Variants in METTL15 observed in about 807,000 individuals in gnomAD.
The protein encoded by METTL15 is methyltransferase 15, mitochondrial 12S rRNA N4-cytidine.
Under a neutral mutation model 38.3 loss-of-function variants are expected in METTL15, and 34 were observed. The observed-to-expected ratio is 0.89, with a 90% CI of 0.68 to 1.18. The LOEUF (loss-of-function observed/expected upper bound fraction) is 1.18, where lower values mean the gene tolerates loss of function less well. Ranked by LOEUF, METTL15 falls within the 50% of genes most tolerant of loss-of-function variation. The pLI is 0.00. For missense variants in METTL15, 438 were observed against 498.4 expected (o/e 0.88, Z 1.15); for synonymous variants, 162 against 170.9 (o/e 0.95, Z 0.41).
intron 3 of METTL15, among the ~76,000 whole-genome samples, chr11:28,339,460 T>A: frequency 6.9e-6 from 1 of 143,936 alleles, no homozygotes; most frequent in Non-Finnish European, 1.5e-5. Flanking sequence ...TAGACACAAC[T>A]AAAAATCATC....
chr11:28,293,899 T>C (rs1228321647), intron 5 of METTL15, among the ~76,000 whole-genome samples: 1 of 152,200 alleles, frequency 6.6e-6, no homozygotes. Context: ...TTTTTGCACA[T>C]TGATTTTATA....
chr11:28,477,937 T>C lies in METTL15; in HGVS notation c.*425-48541T>C, dbSNP rs190045697. On this transcript the variant is annotated intron_variant and NMD_transcript_variant, in intron 6 of 7. Transcript: ENST00000532947. The stretch of plus-strand genomic sequence containing the variant: ...CATTTTAGAATGCATCCTCTGATAA[T>C]TGATTCTATATAGATATGGTTCTTA... 2.3e-3 allele frequency among the ~76,000 whole-genome samples: 354 copies of C among 152,328 alleles called. 1 individual carries two copies. Among genetic ancestry groups the C allele is most frequent in the Non-Finnish European group, 4.0e-3 (272 of 68,032 alleles).
intron 5 of METTL15, among the ~76,000 whole-genome samples, chr11:28,404,949 G>A (rs1488611855): frequency 1.3e-5 from 2 of 152,078 alleles, no homozygotes; most frequent in Non-Finnish European, 2.9e-5. Flanking sequence ...CTTAATATTT[G>A]TAAGACCAAT....
At chr11:28,185,838 A>G (rs1421790793) in intron 3 of METTL15, among the ~76,000 whole-genome samples, 3 of 150,400 alleles carry the variant, frequency 2.0e-5, no homozygotes, top group East Asian at 3.9e-4. Flanking sequence ...GAAAATATCT[A>G]TGTTTTCATG....
intron 6 of METTL15, among the ~76,000 whole-genome samples, chr11:28,324,283 A>C (rs1343450327): frequency 1.3e-5 from 2 of 152,190 alleles, no homozygotes; most frequent in Admixed American, 1.3e-4. Flanking sequence ...TAAATCACTG[A>C]AGATATTGAG....
intron 4 of METTL15, among the ~76,000 whole-genome samples, chr11:28,238,893 C>T (rs1272561818): frequency 6.6e-6 from 1 of 152,190 alleles, no homozygotes; most frequent in Non-Finnish European, 1.5e-5. Context: ...CTTAGATAAA[C>T]ACATAAGCCA....
intron 3 of METTL15, among the ~76,000 whole-genome samples, chr11:28,196,731 A>G (rs963578982): frequency 4.6e-5 from 7 of 152,022 alleles, no homozygotes; most frequent in African/African-American, 1.7e-4. Flanking sequence ...TGTTAAAGTA[A>G]TTAATTGATC....
At chr11:28,289,629 T>C (rs1346413920) in intron 4 of METTL15, among the ~76,000 whole-genome samples, 2 of 152,262 alleles carry the variant, frequency 1.3e-5, no homozygotes, top group East Asian at 3.9e-4. Flanking sequence ...TCCATTCACT[T>C]CAGAATCCCT....
At chr11:28,190,722 A>ATTCCT (rs1851670230) in intron 3 of METTL15, among the ~76,000 whole-genome samples, 1 of 151,314 alleles carries the variant, frequency 6.6e-6, no homozygotes, top group African/African-American at 2.4e-5. Context: ...GAATGTATCG[A>ATTCCT]AACATAGGTA....
intron 3 of METTL15, among the ~76,000 whole-genome samples, chr11:28,180,371 G>C (rs1002862081): frequency 6.6e-6 from 1 of 151,808 alleles, no homozygotes; most frequent in African/African-American, 2.4e-5. Context: ...GGCCAATTTT[G>C]TTGTGAAACT....
At chr11:28,493,137 T>C (rs1467788657) in intron 6 of METTL15, among the ~76,000 whole-genome samples, 1 of 152,154 alleles carries the variant, frequency 6.6e-6, no homozygotes, top group Non-Finnish European at 1.5e-5. Context: ...CTCATTCTCC[T>C]CTGTGTTCCA....
rs955759234 is a variant in METTL15 at position 28,330,627 on chromosome 11, G to A, written c.1010G>A (p.Ser337Asn). Reference sequence around the variant, plus strand: ...GTCAAAAGATTTTTGCTTGGAATAAGCATGACAGAAAGATTTAACCTAAGT... The same window carrying A: ...GTCAAAAGATTTTTGCTTGGAATAAACATGACAGAAAGATTTAACCTAAGT... Reference protein sequence around the residue: ...RIVKRFLLGISMTERFNLSVR... With the variant: ...RIVKRFLLGINMTERFNLSVR... The change falls in exon 7 of 7, where the codon AGC (serine) becomes AAC (asparagine). Residue 337 changes from serine to asparagine, a missense_variant. Ser to Asn is a conservative substitution (Grantham distance 46). Coordinates refer to ENST00000407364, the MANE Select transcript of METTL15 (RefSeq NM_001113528.2). 6.4e-7 allele frequency: 1 copy of A among 1,551,396 alleles called. No homozygotes were observed. The highest frequency in any genetic ancestry group is 8.7e-7 in the Non-Finnish European group (1 of 1,146,816).
intron 3 of METTL15, among the ~76,000 whole-genome samples, chr11:28,183,883 G>A (rs1851391374): frequency 6.6e-6 from 1 of 152,026 alleles, no homozygotes; most frequent in Admixed American, 6.6e-5. Flanking sequence ...GAATTCGTCT[G>A]GTTCTGGACT....
intron 5 of METTL15, among the ~76,000 whole-genome samples, chr11:28,366,919 A>G (rs1319414418): frequency 6.6e-6 from 1 of 152,194 alleles, no homozygotes; most frequent in Admixed American, 6.5e-5. Flanking sequence ...ACAGTACCCC[A>G]AGCAAGCATA....
At chr11:28,487,619 CTTATTTTAAACTTTTTAAAATTTT>C (rs1286894558) in intron 6 of METTL15, among the ~76,000 whole-genome samples, 21 of 152,038 alleles carry the variant, frequency 1.4e-4, no homozygotes, top group Admixed American at 1.3e-3. Flanking sequence ...AATAAAAAAG[CTTATTTTAAACTTTTTAAAATTTT>C]TTATTTTAAA....
At chr11:28,180,234 T>G (rs1203721862) in intron 3 of METTL15, among the ~76,000 whole-genome samples, 1 of 151,860 alleles carries the variant, frequency 6.6e-6, no homozygotes, top group Non-Finnish European at 1.5e-5. Flanking sequence ...ATGCATCCTT[T>G]TCAAATTGAT....
intron 4 of METTL15, among the ~76,000 whole-genome samples, chr11:28,225,287 A>G (rs1338032472): frequency 6.6e-6 from 1 of 151,790 alleles, no homozygotes; most frequent in Non-Finnish European, 1.5e-5. Flanking sequence ...CCTTTTTATA[A>G]TATTTTCAAT....
intron 6 of METTL15, among the ~76,000 whole-genome samples, chr11:28,467,823 A>G (rs1851269531): frequency 6.6e-6 from 1 of 152,212 alleles, no homozygotes; most frequent in Admixed American, 6.5e-5. Context: ...AAGGAAATAA[A>G]GAGGGTAGTA....
chr11:28,456,769 C>T (rs904723199), intron 6 of METTL15, among the ~76,000 whole-genome samples: 4 of 152,092 alleles, frequency 2.6e-5, no homozygotes, highest in Non-Finnish European at 2.9e-5. Flanking sequence ...AAGCTCAAGC[C>T]ACATACAAAG....
Sources: gnomAD v4.1 joint callset for allele counts (sites outside exome capture counted in the v4.1 genomes callset) on GRCh38, gnomAD v4.1.1 for gene constraint, MANE v1.5 for transcripts, NCBI Gene and HGNC (gene_info 2026-07-23, HGNC 2026-07-21) for gene names.